RNMT: variants seen among roughly 807,000 people sequenced by gnomAD.
RNMT encodes the protein RNA guanine-7 methyltransferase.
Under a neutral mutation model 56.0 loss-of-function variants are expected in RNMT, and 27 were observed. The observed-to-expected ratio is 0.48, with a 90% CI of 0.36 to 0.67. The LOEUF is 0.67. Among genes scored for constraint, RNMT ranks in the 30% least tolerant of loss-of-function variants. RNMT has a pLI of 0.00. For synonymous variants in RNMT, 184 were observed against 176.2 expected, an observed-to-expected ratio of 1.04 and a Z score of -0.35; for missense variants, 519 against 552.1, an observed-to-expected ratio of 0.94 and a Z score of 0.60.
rs201093998 is a variant in RNMT at position 13,744,159 on chromosome 18, CTTT to C, written c.1139+1531_1139+1533del. On this transcript the variant is annotated intron_variant, in intron 8 of 11. Coordinates refer to ENST00000383314, the MANE Select transcript of RNMT (RefSeq NM_003799.3). ...ATGCTAAACAAGACCTAGCGGTCTT[CTTT>C]TTTTTTTTTTTTTTTTTTTTTTTGA... 2.7e-3 allele frequency among the ~76,000 whole-genome samples: 248 copies of C among 91,370 alleles called. 3 individuals are homozygous for C. Among genetic ancestry groups the C allele is most frequent in the African/African-American group, 0.011 (208 of 18,888 alleles). 59.9% of individuals were successfully genotyped at this position (91,370 alleles called of 152,430 possible).
At chr18:13,749,980 G>A (rs753942471) in intron 9 of RNMT, among the ~76,000 whole-genome samples, 34 of 152,066 alleles carry the variant, frequency 2.2e-4, no homozygotes, top group Non-Finnish European at 3.7e-4. Context: ...GGCTAGTCTC[G>A]AACCCCTGAG....
In RNMT at chr18:13,761,861, C is replaced by CCCA; in HGVS notation, c.*1883_*1884insCAC. The CCCA allele has an allele frequency of 1.7e-6, 2 of 1,147,460 alleles. No individual in the cohort carries two copies. The highest frequency in any genetic ancestry group is 2.9e-5 in the South Asian group (1 of 34,742). 71.1% of individuals were successfully genotyped at this position (1,147,460 alleles called of 1,614,324 possible). On this transcript the variant is annotated 3_prime_UTR_variant, in exon 12 of 12. Coordinates refer to ENST00000383314, the MANE Select transcript of RNMT (RefSeq NM_003799.3). The stretch of plus-strand genomic sequence containing the variant: ...ACCCTACACCCCCCTCCCCCCGGCC[C>CCCA]CAAGCCCCTGTGTCTCCTTGTTACA...
At chr18:13,750,861 G>C (rs1453745127) in intron 9 of RNMT, among the ~76,000 whole-genome samples, 3 of 152,108 alleles carry the variant, frequency 2.0e-5, no homozygotes, top group Non-Finnish European at 4.4e-5. Flanking sequence ...ACAAGCAATG[G>C]AGAAAGGATT....
rs1313978542 is a variant in RNMT at position 13,760,848 on chromosome 18, A to G, written c.*869A>G. 1 of 985,466 alleles carries G rather than the reference A, an allele frequency of 1.0e-6. No individual in the cohort carries two copies. The highest frequency in any genetic ancestry group is 6.1e-5 in the Admixed American group (1 of 16,292). The allele number at this position is 985,466 out of a possible 1,614,324, so 61.0% of individuals were successfully genotyped here. Reference sequence around the variant, plus strand: ...CTGATGCCATGTACCCACTTCAGAAATAAGCAATACTTGTTCCTCTGTTAC... The same window carrying G: ...CTGATGCCATGTACCCACTTCAGAAGTAAGCAATACTTGTTCCTCTGTTAC... On this transcript the variant is annotated 3_prime_UTR_variant, in exon 12 of 12. Transcript: ENST00000383314.
chr18:13,731,291 C>T (rs1020727929), intron 2 of RNMT, among the ~76,000 whole-genome samples, 185 bp from the exon 3 acceptor site: 1 of 152,022 alleles, frequency 6.6e-6, no homozygotes, highest in Non-Finnish European at 1.5e-5. Flanking sequence ...GCCTGTAATC[C>T]CAGCTACTGG....
chr18:13,743,337 T>TA (rs1568505812), intron 8 of RNMT, among the ~76,000 whole-genome samples: 1 of 10,452 alleles, frequency 9.6e-5, no homozygotes, highest in African/African-American at 1.8e-4. Context: ...AAAAAATAAA[T>TA]AAATAAATAA....
At chr18:13,750,455 A>G (rs2044422025) in intron 9 of RNMT, among the ~76,000 whole-genome samples, 1 of 152,064 alleles carries the variant, frequency 6.6e-6, no homozygotes, top group Non-Finnish European at 1.5e-5. Context: ...CTTGGTGGTG[A>G]TTAAATTATG....
In RNMT at chr18:13,763,440, A is replaced by C. The variant is rs1396998029; in HGVS notation, c.*3461A>C. The C allele has an allele frequency of 2.7e-5, 6 of 221,064 alleles. No homozygotes were observed. The highest frequency in any genetic ancestry group is 5.6e-5 in the Non-Finnish European group (6 of 106,266). The allele number at this position is 221,064 out of a possible 1,614,324, so 13.7% of individuals were successfully genotyped here. On this transcript the variant is annotated 3_prime_UTR_variant, in exon 12 of 12. Transcript: ENST00000383314. Reference sequence around the variant, plus strand: ...GATATTGAGGAAGCACAGGACATCCAAGGGTACTCTCCAGTTTGGCTGTGG... The same window carrying C: ...GATATTGAGGAAGCACAGGACATCCCAGGGTACTCTCCAGTTTGGCTGTGG...
intron 4 of RNMT, among the ~76,000 whole-genome samples, chr18:13,734,982 A>AT (rs781444163): frequency 9.2e-5 from 14 of 152,324 alleles, no homozygotes; most frequent in Admixed American, 2.6e-4. Flanking sequence ...TTGAGGATAG[A>AT]TAAAAACATT....
chr18:13,751,311 A>G (rs930783617), intron 9 of RNMT, among the ~76,000 whole-genome samples: 4 of 152,262 alleles, frequency 2.6e-5, no homozygotes, highest in Admixed American at 1.3e-4. Flanking sequence ...GGCAAAGGAT[A>G]TGAACAGACA....
chr18:13,762,298 A>G lies in RNMT; in HGVS notation c.*2319A>G, dbSNP rs138337122. 2.1e-4 allele frequency: 217 copies of G among 1,025,786 alleles called. 1 individual carries two copies. The highest frequency in any genetic ancestry group is 2.0e-3 in the African/African-American group (121 of 61,638). The allele number at this position is 1,025,786 out of a possible 1,614,324, so 63.5% of individuals were successfully genotyped here. ...ATGTTGAATTCTTTGGGCCTAGAAT[A>G]TACTTGAGAAAGCACTAGTGGCTTG... On this transcript the variant is annotated 3_prime_UTR_variant, in exon 12 of 12. Coordinates refer to ENST00000383314, the MANE Select transcript of RNMT (RefSeq NM_003799.3).
chr18:13,757,999 C>G (rs890886708), intron 11 of RNMT, among the ~76,000 whole-genome samples: 3 of 152,162 alleles, frequency 2.0e-5, no homozygotes, highest in Admixed American at 2.0e-4. Context: ...CCTGGGTGAC[C>G]AGGTATATTG....
intron 9 of RNMT, among the ~76,000 whole-genome samples, chr18:13,748,373 G>A (rs762424666): frequency 7.9e-5 from 12 of 152,182 alleles, no homozygotes; most frequent in Non-Finnish European, 1.5e-4. Flanking sequence ...TGGTGGGCGT[G>A]TAAAGGACTT....
At chr18:13,735,500 CTT>C (rs5823269) in intron 4 of RNMT, among the ~76,000 whole-genome samples, 1 of 138,268 alleles carries the variant, frequency 7.2e-6, no homozygotes, top group South Asian at 2.2e-4. Context: ...TGAGTGTTCA[CTT>C]TTTTTTTTTT....
At chr18:13,736,393 G>A (rs2044158224) in intron 4 of RNMT, among the ~76,000 whole-genome samples, 1 of 152,052 alleles carries the variant, frequency 6.6e-6, no homozygotes, top group African/African-American at 2.4e-5. Context: ...TTTGCCTATT[G>A]ATGTTTGGTT....
chr18:13,741,466 G>T, intron 6 of RNMT, 44 bp from the exon 7 acceptor site: 2 of 1,408,020 alleles, frequency 1.4e-6, no homozygotes, highest in Non-Finnish European at 2.0e-6. Flanking sequence ...TTTAATCTTT[G>T]TTGTAGTTAC....
At chr18:13,732,325 A>G (rs533442786) in intron 3 of RNMT, among the ~76,000 whole-genome samples, 4 of 152,272 alleles carry the variant, frequency 2.6e-5, no homozygotes, top group African/African-American at 7.2e-5. Flanking sequence ...TAAAAAGACT[A>G]GAGTATGAGA....
At chr18:13,734,309 A>G (rs1454722404) in intron 3 of RNMT, among the ~76,000 whole-genome samples, 155 bp from the exon 4 acceptor site, 1 of 152,236 alleles carries the variant, frequency 6.6e-6, no homozygotes, top group Non-Finnish European at 1.5e-5. Context: ...TCTTAGGTCT[A>G]ATGATAATTA....
intron 6 of RNMT, 22 bp downstream of exon 6, chr18:13,740,301 AAT>A: frequency 8.2e-7 from 1 of 1,224,938 alleles, no homozygotes; most frequent in East Asian, 2.4e-5. Context: ...TTCTTTGGTC[AAT>A]TTATTTTTTA....
Sources: allele counts gnomAD v4.1 joint callset (sites outside exome capture counted in the v4.1 genomes callset), GRCh38; gene constraint gnomAD v4.1.1; transcripts MANE v1.5; gene names NCBI Gene and HGNC (gene_info 2026-07-23, HGNC 2026-07-21).